LPP: variants seen among roughly 807,000 people sequenced by gnomAD.
LPP encodes lipoma-preferred partner.
LPP carries 38 observed loss-of-function variants against 60.4 expected under a neutral mutation model. That is an observed-to-expected ratio of 0.63 (90% CI 0.49 to 0.83). LPP has a LOEUF of 0.83. Among genes scored for constraint, LPP ranks in the 40% least tolerant of loss-of-function variants. The pLI is 0.00. For synonymous variants in LPP, 328 were observed against 290.8 expected (o/e 1.13, Z -1.30); for missense variants, 902 against 783.6 (o/e 1.15, Z -1.80).
intron 4 of LPP, among the ~76,000 whole-genome samples, chr3:188,436,302 C>T (rs931069974): frequency 3.4e-4 from 51 of 152,070 alleles, no homozygotes; most frequent in African/African-American, 1.2e-3. Flanking sequence ...ATATAATTGA[C>T]GTTATCAGTT....
chr3:188,466,688 A>AT (rs1800461367), intron 4 of LPP, among the ~76,000 whole-genome samples: 1 of 149,402 alleles, frequency 6.7e-6, no homozygotes, highest in South Asian at 2.1e-4. Flanking sequence ...TAAACTTGTA[A>AT]TTTTTCTTTC....
intron 3 of LPP, among the ~76,000 whole-genome samples, chr3:188,362,917 G>A (rs1161154722): frequency 1.3e-5 from 2 of 152,150 alleles, no homozygotes; most frequent in East Asian, 3.8e-4. Flanking sequence ...AATCCAGACA[G>A]TTTCACCATC....
intron 3 of LPP, among the ~76,000 whole-genome samples, chr3:188,343,497 A>G (rs906397451): frequency 6.6e-6 from 1 of 152,222 alleles, no homozygotes; most frequent in African/African-American, 2.4e-5. Flanking sequence ...TGTGAGGCAG[A>G]GATCTAACTT....
At chr3:188,697,903 G>A (rs1863614842) in intron 7 of LPP, among the ~76,000 whole-genome samples, 1 of 146,632 alleles carries the variant, frequency 6.8e-6, no homozygotes, top group East Asian at 1.9e-4. Flanking sequence ...CACTATAATG[G>A]CAAGAATTAT....
intron 1 of LPP, among the ~76,000 whole-genome samples, chr3:188,215,875 G>T (rs1713343656): frequency 6.6e-6 from 1 of 152,146 alleles, no homozygotes; most frequent in East Asian, 1.9e-4. Flanking sequence ...ACTGGATGGT[G>T]ACACCTCCTT....
At chr3:188,188,930 A>G (rs1727362066) in intron 1 of LPP, among the ~76,000 whole-genome samples, 2 of 150,968 alleles carry the variant, frequency 1.3e-5, no homozygotes, top group Non-Finnish European at 2.9e-5. Flanking sequence ...TCATACTAAA[A>G]GAATATGTAC....
chr3:188,157,642 A>G (rs1339325717), intron 1 of LPP, among the ~76,000 whole-genome samples: 10 of 152,146 alleles, frequency 6.6e-5, no homozygotes, highest in African/African-American at 4.8e-5. Context: ...TGAGGTGTAC[A>G]TGGTCCCTGC....
chr3:188,428,522 A>G (rs1438247348), intron 4 of LPP, among the ~76,000 whole-genome samples: 3 of 151,826 alleles, frequency 2.0e-5, no homozygotes, highest in Admixed American at 2.0e-4. Flanking sequence ...ACTTCAAAAA[A>G]TTTCCAGTCT....
chr3:188,696,381 C>T (rs528987561), intron 7 of LPP, among the ~76,000 whole-genome samples: 1 of 152,170 alleles, frequency 6.6e-6, no homozygotes, highest in South Asian at 2.1e-4. Flanking sequence ...GCCTGTAATC[C>T]CAGCACTTTG....
chr3:188,524,195 G>A (rs1403559604), intron 5 of LPP, among the ~76,000 whole-genome samples: 1 of 152,150 alleles, frequency 6.6e-6, no homozygotes, highest in Non-Finnish European at 1.5e-5. Context: ...CTGGACCTGA[G>A]ACTTCCAAGC....
chr3:188,216,031 AT>A (rs910389325), intron 1 of LPP, among the ~76,000 whole-genome samples: 33 of 152,180 alleles, frequency 2.2e-4, no homozygotes, highest in African/African-American at 7.7e-4. Context: ...TCCAGCTCTT[AT>A]TTTTTGTATC....
chr3:188,871,980 T>C (rs181437128), intron 10 of LPP, among the ~76,000 whole-genome samples: 1 of 152,346 alleles, frequency 6.6e-6, no homozygotes, highest in African/African-American at 2.4e-5. Context: ...TAAAATCCTT[T>C]AAAGAATAAA....
At chr3:188,857,684 AG>A (rs1764167868) in intron 9 of LPP, among the ~76,000 whole-genome samples, 1 of 152,214 alleles carries the variant, frequency 6.6e-6, no homozygotes, top group African/African-American at 2.4e-5. Context: ...CCAGGAAAGC[AG>A]GGGGAAACTC....
chr3:188,548,276 T>G (rs1827189663), intron 6 of LPP, among the ~76,000 whole-genome samples: 1 of 152,198 alleles, frequency 6.6e-6, no homozygotes, highest in African/African-American at 2.4e-5. Context: ...CGGTTTCCAT[T>G]CATAAACTAG....
rs1209593214 is a variant in LPP at position 188,182,003 on chromosome 3, C to T, written c.-190+27751C>T. Among the ~76,000 whole-genome samples, 1 of 152,188 alleles carries T rather than the reference C, an allele frequency of 6.6e-6. No individual in the cohort carries two copies. The highest frequency in any genetic ancestry group is 1.5e-5 in the Non-Finnish European group (1 of 68,042). ...AATTACTGGCTTTCTGCTGGGATGCCCACAGCACTTTGGCCAGATCTCTGA... is the reference window on the plus strand; with the variant it reads ...AATTACTGGCTTTCTGCTGGGATGCTCACAGCACTTTGGCCAGATCTCTGA... On this transcript the variant is annotated intron_variant, in intron 1 of 11. Transcript: ENST00000617246. The surrounding 1 kb of genome is among the most constrained non-coding windows in gnomAD (Gnocchi z 4.4).
At chr3:188,743,778 C>T (rs146811663) in intron 8 of LPP, 1 of 152,142 alleles carries the variant, frequency 6.6e-6, no homozygotes, top group Non-Finnish European at 1.5e-5. Context: ...GAAGAGAAGA[C>T]AAGGAAAATT....
At chr3:188,627,354 T>C (rs769332247) in intron 7 of LPP, among the ~76,000 whole-genome samples, 8 of 152,140 alleles carry the variant, frequency 5.3e-5, no homozygotes, top group Non-Finnish European at 7.4e-5. Flanking sequence ...GAGTGTCAAA[T>C]TGGATGAAGG....
Position 188,209,629 on chromosome 3 carries a change from G to T in LPP, c.-189-15776G>T, listed in dbSNP as rs957454140. ...GTGTCCTGGAGACAGTTTTAGGTCT[G>T]GCAGGATCTGAGAACAGGAGTGGGG... On this transcript the variant is annotated intron_variant, in intron 1 of 11. Coordinates refer to ENST00000617246, the MANE Select transcript of LPP (RefSeq NM_001375462.1). Among the ~76,000 whole-genome samples the T allele has an allele frequency of 6.6e-5, 10 of 152,286 alleles. No individual in the cohort carries two copies. The South Asian group carries it at 2.1e-3, about 32-fold the overall frequency.
chr3:188,762,011 G>GT (rs79536923), intron 9 of LPP, among the ~76,000 whole-genome samples: 144,651 of 152,020 alleles, frequency 0.95, 68,846 homozygotes, highest in East Asian at 1. Flanking sequence ...ATACTGCTGT[G>GT]TTTTTTTATA....
Sources: allele counts gnomAD v4.1 joint callset (sites outside exome capture counted in the v4.1 genomes callset), GRCh38; gene constraint gnomAD v4.1.1; non-coding constraint Gnocchi (gnomAD v3.1); transcripts MANE v1.5; gene names NCBI Gene and HGNC (gene_info 2026-07-23, HGNC 2026-07-21).